Variants in MARCHF3 observed in about 807,000 individuals in gnomAD.
The protein encoded by MARCHF3 is E3 ubiquitin-protein ligase MARCHF3.
Under a neutral mutation model 24.2 loss-of-function variants are expected in MARCHF3, and 13 were observed. That is an observed-to-expected ratio of 0.54 (90% CI 0.35 to 0.85). The LOEUF (loss-of-function observed/expected upper bound fraction) is 0.85, where lower values mean the gene tolerates loss of function less well. Among genes scored for constraint, MARCHF3 ranks in the 40% least tolerant of loss-of-function variants. The pLI, the probability that MARCHF3 is intolerant of heterozygous loss-of-function variation, is 0.01. For synonymous variants in MARCHF3, 144 were observed against 137.3 expected (o/e 1.05, Z -0.34); for missense variants, 276 against 325.0 (o/e 0.85, Z 1.16).
At chr5:126,882,516 C>T (rs1753377801) in intron 3 of MARCHF3, among the ~76,000 whole-genome samples, 1 of 152,186 alleles carries the variant, frequency 6.6e-6, no homozygotes, top group Admixed American at 6.5e-5. Flanking sequence ...TGTTCTATTA[C>T]ATTTTTGGCT....
intron 1 of MARCHF3, among the ~76,000 whole-genome samples, chr5:126,954,712 G>C (rs1466431269): frequency 6.7e-6 from 1 of 149,004 alleles, no homozygotes; most frequent in African/African-American, 2.5e-5. Context: ...AATAAATAGA[G>C]CGCACTCATG....
rs141945866 is a variant in MARCHF3 at position 126,974,543 on chromosome 5, C to T, written c.-57+55807G>A. Among the ~76,000 whole-genome samples, 37 of 152,330 alleles carry T rather than the reference C, an allele frequency of 2.4e-4. No individual in the cohort carries two copies. In the East Asian group the frequency reaches 6.0e-3, roughly 25 times the overall value. On this transcript the variant is annotated intron_variant, in intron 1 of 4. Coordinates refer to ENST00000308660, the MANE Select transcript of MARCHF3 (RefSeq NM_178450.5). The stretch of plus-strand genomic sequence containing the variant: ...TCTTGCCCTTGTATTTTGTTCAAAA[C>T]TCTCTGTTACCAAAGGAATGATTAG...
chr5:126,912,209 G>A (rs1754559016), intron 3 of MARCHF3, among the ~76,000 whole-genome samples: 1 of 152,170 alleles, frequency 6.6e-6, no homozygotes, highest in Non-Finnish European at 1.5e-5. Flanking sequence ...GATAAGAAAA[G>A]GAAGTGAAGA....
At chr5:126,896,294 A>G (rs1753908929) in intron 3 of MARCHF3, among the ~76,000 whole-genome samples, 1 of 152,160 alleles carries the variant, frequency 6.6e-6, no homozygotes, top group South Asian at 2.1e-4. Flanking sequence ...TGGGAGCTGT[A>G]GACTGGAGCT....
chr5:126,916,688 G>C (rs77034756), intron 2 of MARCHF3, among the ~76,000 whole-genome samples: 3,658 of 75,908 alleles, frequency 0.048, 153 homozygotes, highest in African/African-American at 0.15. Flanking sequence ...CAGACAGACA[G>C]ACAGACACAC....
At chr5:126,955,668 T>C (rs1019788962) in intron 1 of MARCHF3, among the ~76,000 whole-genome samples, 1 of 152,242 alleles carries the variant, frequency 6.6e-6, no homozygotes, top group Non-Finnish European at 1.5e-5. Flanking sequence ...TCCGTCTTTT[T>C]TATACTGATT....
chr5:126,982,305 T>C (rs1580705087), intron 1 of MARCHF3, among the ~76,000 whole-genome samples: 1 of 152,186 alleles, frequency 6.6e-6, no homozygotes, highest in South Asian at 2.1e-4. Context: ...ATCTTCCCTA[T>C]ACCATGTCTG....
intron 4 of MARCHF3, among the ~76,000 whole-genome samples, chr5:126,875,823 G>A (rs957373272): frequency 1.6e-4 from 24 of 152,226 alleles, no homozygotes; most frequent in African/African-American, 5.1e-4. Context: ...GTTCTCAGAC[G>A]TTATCTCACT....
At chr5:126,932,911 C>T (rs181886299) in intron 1 of MARCHF3, among the ~76,000 whole-genome samples, 10 of 152,122 alleles carry the variant, frequency 6.6e-5, no homozygotes, top group Non-Finnish European at 8.8e-5. Flanking sequence ...GAAGAGATAT[C>T]TTTTCTCCCC....
chr5:126,935,092 G>A (rs1033258008), intron 1 of MARCHF3, among the ~76,000 whole-genome samples: 1 of 152,218 alleles, frequency 6.6e-6, no homozygotes, highest in Non-Finnish European at 1.5e-5. Context: ...AGATAGGCAG[G>A]CAAAAGTGGC....
intron 3 of MARCHF3, among the ~76,000 whole-genome samples, chr5:126,897,022 A>T (rs1022491528): frequency 7.1e-6 from 1 of 139,864 alleles, no homozygotes; most frequent in African/African-American, 2.7e-5. Context: ...CCTTGGTTCA[A>T]TCCAACTTTC....
chr5:127,022,494 T>C (rs1752836159), intron 1 of MARCHF3, among the ~76,000 whole-genome samples: 1 of 152,082 alleles, frequency 6.6e-6, no homozygotes, highest in South Asian at 2.1e-4. Context: ...ATGTGCAAAG[T>C]GTAAGAGGAA....
At chr5:126,991,315 G>A (rs549646074) in intron 1 of MARCHF3, among the ~76,000 whole-genome samples, 31 of 152,122 alleles carry the variant, frequency 2.0e-4, no homozygotes, top group African/African-American at 6.3e-4. Context: ...ACCAAATACC[G>A]CATGTTCTCA....
chr5:126,901,041 G>T (rs957619274), intron 3 of MARCHF3, among the ~76,000 whole-genome samples: 3 of 152,008 alleles, frequency 2.0e-5, no homozygotes, highest in African/African-American at 7.3e-5. Flanking sequence ...CCACTTACTA[G>T]CCCTGAGGCT....
At chr5:126,930,532 C>T (rs185825428) in intron 1 of MARCHF3, among the ~76,000 whole-genome samples, 2 of 152,350 alleles carry the variant, frequency 1.3e-5, no homozygotes, top group East Asian at 3.9e-4. Flanking sequence ...TACTCAAGGT[C>T]ATCATGCCTG....
chr5:126,916,983 G>C (rs949038315), intron 2 of MARCHF3, among the ~76,000 whole-genome samples: 7 of 152,150 alleles, frequency 4.6e-5, no homozygotes, highest in African/African-American at 9.7e-5. Context: ...TTTAAATGGA[G>C]GGCATATGAG....
intron 1 of MARCHF3, among the ~76,000 whole-genome samples, chr5:126,990,240 C>G (rs938799933): frequency 1.3e-5 from 2 of 151,990 alleles, no homozygotes; most frequent in Non-Finnish European, 1.5e-5. Context: ...AGAAATAACA[C>G]CACACATCTA....
chr5:126,931,508 T>C (rs142577521), intron 1 of MARCHF3, among the ~76,000 whole-genome samples: 330 of 152,234 alleles, frequency 2.2e-3, no homozygotes, highest in Non-Finnish European at 3.7e-3. Context: ...TCTAGTCATA[T>C]GTTTAGGTCC....
At chr5:126,982,481 G>C (rs1197219098) in intron 1 of MARCHF3, among the ~76,000 whole-genome samples, 1 of 152,182 alleles carries the variant, frequency 6.6e-6, no homozygotes. Flanking sequence ...AGGGGAAGCT[G>C]ACCTGCTTTG....
Sources: gnomAD v4.1 joint callset for allele counts (sites outside exome capture counted in the v4.1 genomes callset) on GRCh38, gnomAD v4.1.1 for gene constraint, MANE v1.5 for transcripts, NCBI Gene and HGNC (gene_info 2026-07-23, HGNC 2026-07-21) for gene names.